Variants in HSD17B12 observed in about 807,000 individuals in gnomAD.
The protein encoded by HSD17B12 is very-long-chain 3-oxoacyl-CoA reductase.
HSD17B12 carries 32 observed loss-of-function variants against 39.3 expected under a neutral mutation model. The observed-to-expected ratio is 0.81, with a 90% confidence interval of 0.61 to 1.09. The LOEUF (loss-of-function observed/expected upper bound fraction) is 1.09. Ranked by LOEUF, HSD17B12 falls within the 50% of genes least tolerant of loss-of-function variation. HSD17B12 has a pLI of 0.00. For missense variants in HSD17B12, 342 were observed against 382.9 expected (o/e 0.89, Z 0.89); for synonymous variants, 150 against 146.7 (o/e 1.02, Z -0.16).
At chr11:43,598,541 T>TA in the HSD17B12 span, among the ~76,000 whole-genome samples, 1 of 152,118 alleles carries the variant, frequency 6.6e-6, no homozygotes, top group Admixed American at 6.5e-5. Flanking sequence ...ACCCTTATTT[T>TA]ACTCTGTACA....
intron 1 of HSD17B12, among the ~76,000 whole-genome samples, chr11:43,730,602 C>G (rs1950259147): frequency 6.6e-6 from 1 of 152,130 alleles, no homozygotes; most frequent in Non-Finnish European, 1.5e-5. Context: ...TTATTTCAGT[C>G]TTCAAGATAT....
At chr11:43,752,949 T>C (rs1225022054) in intron 2 of HSD17B12, among the ~76,000 whole-genome samples, 1 of 152,152 alleles carries the variant, frequency 6.6e-6, no homozygotes, top group Non-Finnish European at 1.5e-5. Flanking sequence ...GCAATATCAC[T>C]CACTACTTAA....
intron 1 of HSD17B12, among the ~76,000 whole-genome samples, chr11:43,720,552 A>G (rs1471602999): frequency 6.6e-6 from 1 of 152,186 alleles, no homozygotes; most frequent in African/African-American, 2.4e-5. Context: ...TCAGGTCCCA[A>G]AACCAATGCT....
chr11:43,810,659 C>T (rs936172189), intron 4 of HSD17B12, among the ~76,000 whole-genome samples: 12 of 151,958 alleles, frequency 7.9e-5, no homozygotes, highest in African/African-American at 2.9e-4. Flanking sequence ...TTTTATTGAG[C>T]GCTTCCCAGT....
upstream of HSD17B12, among the ~76,000 whole-genome samples, chr11:43,675,879 A>G (rs558855636): frequency 3.3e-5 from 5 of 152,326 alleles, no homozygotes; most frequent in African/African-American, 1.2e-4. Context: ...TCGGAGGCCC[A>G]GGCAGGCGGA....
chr11:43,808,777 ACT>A (rs1477066883), intron 4 of HSD17B12, among the ~76,000 whole-genome samples: 1 of 152,120 alleles, frequency 6.6e-6, no homozygotes, highest in Non-Finnish European at 1.5e-5. Flanking sequence ...AGTCTTGTAA[ACT>A]CTCTTTTATT....
At chr11:43,622,344 T>C in the HSD17B12 span, among the ~76,000 whole-genome samples, 1 of 152,038 alleles carries the variant, frequency 6.6e-6, no homozygotes, top group East Asian at 1.9e-4. Context: ...AAAGTTGAAG[T>C]CTCACTTTGG....
At chr11:43,694,156 C>A (rs1273507138) in intron 1 of HSD17B12, among the ~76,000 whole-genome samples, 1 of 152,086 alleles carries the variant, frequency 6.6e-6, no homozygotes, top group African/African-American at 2.4e-5. Context: ...CCATAACAAC[C>A]CTATGAGGCA....
intron 1 of HSD17B12, among the ~76,000 whole-genome samples, chr11:43,703,484 G>T (rs140939907): frequency 1.3e-5 from 2 of 152,172 alleles, no homozygotes; most frequent in Admixed American, 6.5e-5. Context: ...GTGAGCCACC[G>T]CGCCCGGCCA....
upstream of HSD17B12, among the ~76,000 whole-genome samples, chr11:43,678,455 AT>A (rs1487753046): frequency 6.6e-6 from 1 of 152,102 alleles, no homozygotes; most frequent in Non-Finnish European, 1.5e-5. Flanking sequence ...CCATTTGTCA[AT>A]TTTGGCTTTT....
chr11:43,850,932 G>T (rs1951524787), intron 9 of HSD17B12, among the ~76,000 whole-genome samples: 1 of 152,100 alleles, frequency 6.6e-6, no homozygotes, highest in African/African-American at 2.4e-5. Flanking sequence ...GTGGTGGCAG[G>T]CGCCTGTAAT....
chr11:43,663,795 C>T, the HSD17B12 span, among the ~76,000 whole-genome samples: 13 of 152,124 alleles, frequency 8.5e-5, no homozygotes, highest in Middle Eastern at 6.8e-3. Flanking sequence ...AGGCAGTGCA[C>T]GCTTAAGATT....
Position 43,808,290 on chromosome 11 carries a change from A to AT in HSD17B12, c.392-7131dup, listed in dbSNP as rs35078092. 4.2e-3 allele frequency among the ~76,000 whole-genome samples: 606 copies of AT among 145,980 alleles called. 4 individuals carry two copies. Among genetic ancestry groups the AT allele is most frequent in the African/African-American group, 0.011 (446 of 39,578 alleles). ...CATGGCAAAGAGAATAGGTGCATGG[A>AT]TTTTTTTTTTTTTTTTAATGTGCTA... On this transcript the variant is annotated intron_variant, in intron 4 of 10. Coordinates refer to ENST00000278353, the MANE Select transcript of HSD17B12 (RefSeq NM_016142.3).
the HSD17B12 span, among the ~76,000 whole-genome samples, chr11:43,561,674 A>T: frequency 2.3e-4 from 34 of 151,026 alleles, no homozygotes; most frequent in South Asian, 6.4e-3. Flanking sequence ...CCTTCAAGTG[A>T]CACAAACACC....
At chr11:43,719,127 AC>A (rs1950152839) in intron 1 of HSD17B12, 3 of 760,238 alleles carry the variant, frequency 3.9e-6, no homozygotes. Flanking sequence ...GATGTTGCCA[AC>A]AAAATTGGGA....
chr11:43,627,383 G>A, the HSD17B12 span, among the ~76,000 whole-genome samples: 1 of 151,342 alleles, frequency 6.6e-6, no homozygotes, highest in Non-Finnish European at 1.5e-5. Flanking sequence ...AAACTAAAAT[G>A]GCATTTACTG....
At chr11:43,658,576 A>G in the HSD17B12 span, among the ~76,000 whole-genome samples, 151,739 of 152,302 alleles carry the variant, frequency 1, 75,592 homozygotes, top group Middle Eastern at 1. Flanking sequence ...TTTTTGGTGT[A>G]GATGTCCTTT....
chr11:43,706,872 GCAAGTA>G (rs1950021324), intron 1 of HSD17B12, among the ~76,000 whole-genome samples: 1 of 152,066 alleles, frequency 6.6e-6, no homozygotes, highest in South Asian at 2.1e-4. Context: ...TGGGCCAAAG[GCAAGTA>G]CAAGATGAAT....
chr11:43,727,009 A>C (rs1362361505), intron 1 of HSD17B12, among the ~76,000 whole-genome samples: 1 of 152,272 alleles, frequency 6.6e-6, no homozygotes, highest in East Asian at 1.9e-4. Context: ...TTATTTATGT[A>C]GTATAAATGT....
Sources: gnomAD v4.1 joint callset for allele counts (sites outside exome capture counted in the v4.1 genomes callset) on GRCh38, gnomAD v4.1.1 for gene constraint, MANE v1.5 for transcripts, NCBI Gene and HGNC (gene_info 2026-07-23, HGNC 2026-07-21) for gene names.